The following DUSP10 variants were observed in gnomAD, a reference collection of about 807,000 sequenced individuals.
DUSP10 encodes the protein dual specificity phosphatase 10.
DUSP10 carries 14 observed loss-of-function variants against 30.8 expected under a neutral mutation model. That is an observed-to-expected ratio of 0.46 (90% confidence interval 0.30 to 0.71). The LOEUF (loss-of-function observed/expected upper bound fraction) is 0.71. Among genes scored for constraint, DUSP10 ranks in the 30% least tolerant of loss-of-function variants. DUSP10 has a pLI of 0.08. For synonymous variants in DUSP10, 254 were observed against 250.4 expected (o/e 1.01, Z -0.14); for missense variants, 550 against 619.4 (o/e 0.89, Z 1.19).
chr1:221,738,684 T>A (rs1456282054), intron 2 of DUSP10, among the ~76,000 whole-genome samples: 1 of 152,076 alleles, frequency 6.6e-6, no homozygotes, highest in African/African-American at 2.4e-5. Context: ...CCCAGAGAGG[T>A]GAAATGACTT....
chr1:221,731,577 A>G (rs917312760), intron 2 of DUSP10, among the ~76,000 whole-genome samples: 14 of 143,978 alleles, frequency 9.7e-5, no homozygotes, highest in African/African-American at 3.6e-4. Context: ...CCCATGACAT[A>G]TTTAGAAAAG....
intron 2 of DUSP10, among the ~76,000 whole-genome samples, chr1:221,727,640 G>C (rs925963485): frequency 2.0e-5 from 3 of 152,118 alleles, no homozygotes; most frequent in African/African-American, 7.2e-5. Flanking sequence ...GTCATCCTGG[G>C]GTTGTTGTGG....
chr1:221,713,214 G>C (rs771977886), intron 2 of DUSP10, among the ~76,000 whole-genome samples: 1 of 152,168 alleles, frequency 6.6e-6, no homozygotes, highest in Non-Finnish European at 1.5e-5. Context: ...GACAAAGCAG[G>C]AGCCATGAGG....
At chr1:221,732,992 C>A (rs1253725154) in intron 2 of DUSP10, among the ~76,000 whole-genome samples, 1 of 152,196 alleles carries the variant, frequency 6.6e-6, no homozygotes, top group Non-Finnish European at 1.5e-5. Flanking sequence ...ACTAGAATTT[C>A]TCTCCTTAAT....
intron 2 of DUSP10, chr1:221,737,581 C>T (rs1342897518): frequency 2.0e-6 from 1 of 509,590 alleles, no homozygotes; most frequent in Non-Finnish European, 2.5e-6. Flanking sequence ...GAACTCTCTA[C>T]ATACAATTCT....
chr1:221,713,555 A>G (rs1280745779), intron 2 of DUSP10, among the ~76,000 whole-genome samples: 2 of 152,112 alleles, frequency 1.3e-5, no homozygotes, highest in African/African-American at 2.4e-5. Context: ...AATTTCCTCA[A>G]TAAGTTGAGG....
At chr1:221,707,955 C>T (rs184380661) in intron 2 of DUSP10, among the ~76,000 whole-genome samples, 20 of 152,268 alleles carry the variant, frequency 1.3e-4, no homozygotes, top group African/African-American at 4.8e-4. Context: ...ATGGCATGCA[C>T]AGATAAACCC....
intron 2 of DUSP10, among the ~76,000 whole-genome samples, chr1:221,714,174 T>C (rs1463743877): frequency 6.6e-6 from 1 of 152,236 alleles, no homozygotes; most frequent in Non-Finnish European, 1.5e-5. Context: ...TACTGAGGCT[T>C]ACATGAAATA....
chr1:221,735,297 G>T (rs1042199478), intron 2 of DUSP10, among the ~76,000 whole-genome samples: 1 of 152,134 alleles, frequency 6.6e-6, no homozygotes, highest in South Asian at 2.1e-4. Flanking sequence ...GGAGGAAGGG[G>T]GACACACAGA....
rs756450182 is a variant in DUSP10, at chr1:221,706,298, G to A, written c.980C>T (p.Pro327Leu). Residue 327 changes from proline to leucine, a missense_variant, in exon 3 of 4, where the codon CCC (proline) becomes CTC (leucine). Physicochemically the swap from Pro to Leu is moderately conservative, Grantham distance 98. Coordinates refer to ENST00000366899, the MANE Select transcript of DUSP10 (RefSeq NM_007207.6). The surrounding 1 kb of genome is among the most constrained non-coding windows in gnomAD (Gnocchi z 4.6). ...IENAELTPIL[P>L]FLFLGNEQDA... ...CTGCTCATTGCCAAGGAACAGGAAG[G>A]GCAAGATGGGGGTGAGCTCAGCGTT... 2.5e-6 allele frequency: 4 copies of A among 1,614,220 alleles called. No homozygotes were observed. Among genetic ancestry groups the A allele is most frequent in the Non-Finnish European group, 3.4e-6 (4 of 1,180,028 alleles).
At chr1:221,705,758 C>T (rs550044602) in intron 3 of DUSP10, among the ~76,000 whole-genome samples, 11 of 152,310 alleles carry the variant, frequency 7.2e-5, no homozygotes, top group South Asian at 6.2e-4. Flanking sequence ...CTCTGACCTC[C>T]GATTCCTTAC....
At position 221,706,030 on chromosome 1, in the gene DUSP10, A is replaced by T; in HGVS notation, c.1183+65T>A. On this transcript the variant is annotated intron_variant, in intron 3 of 3. Transcript: ENST00000366899. The surrounding 1 kb of genome is among the most constrained non-coding windows in gnomAD (Gnocchi z 4.6). ...CACAGGAATAAACCTTGAACTTGAT[A>T]TCAAAGCAAGAGCTGGAGGGAAAAG... 1.3e-6 allele frequency: 2 copies of T among 1,553,514 alleles called. No individual in the cohort carries two copies. Among genetic ancestry groups the T allele is most frequent in the Non-Finnish European group, 1.7e-6 (2 of 1,150,654 alleles).
rs1399443329 is a variant in DUSP10 at position 221,701,607 on chromosome 1, A to T, written c.*805T>A. 6.6e-6 allele frequency: 1 copy of T among 152,056 alleles called. No homozygotes were observed. The highest frequency in any genetic ancestry group is 1.5e-5 in the Non-Finnish European group (1 of 67,908). The allele number at this position is 152,056 out of a possible 1,614,324, so 9.4% of individuals were successfully genotyped here. On this transcript the variant is annotated 3_prime_UTR_variant, in exon 4 of 4. Coordinates refer to ENST00000366899, the MANE Select transcript of DUSP10 (RefSeq NM_007207.6). ...AATCAGAAAAAAAAAAAAAAAAGGA[A>T]AAAGGTGGGAAGGAAAGTATTTGAT...
chr1:221,706,743 A>G lies in DUSP10; in HGVS notation c.812-277T>C, dbSNP rs577689401. 1.3e-5 allele frequency among the ~76,000 whole-genome samples: 2 copies of G among 152,330 alleles called. No individual in the cohort carries two copies. The highest frequency in any genetic ancestry group is 4.1e-4 in the South Asian group (2 of 4,828). On this transcript the variant is annotated intron_variant, in intron 2 of 3. Transcript: ENST00000366899. This position sits in a 1 kb window ranked among gnomAD's most constrained non-coding sequence, Gnocchi z 4.6. The stretch of plus-strand genomic sequence containing the variant: ...ACAAATGAGGGCATGTTCCCCTAGC[A>G]AGAGTTCCACGCGGCATCAGGCAAT...
rs78887131 is a variant in DUSP10, at chr1:221,740,978, A to G, written c.-44+1003T>C. Among the ~76,000 whole-genome samples, 604 of 152,322 alleles carry G rather than the reference A, an allele frequency of 4.0e-3. 7 individuals are homozygous for G. The East Asian group carries it at 0.057, about 14-fold the overall frequency. On this transcript the variant is annotated intron_variant, in intron 1 of 3. Coordinates refer to ENST00000366899, the MANE Select transcript of DUSP10 (RefSeq NM_007207.6). ...GAGACGCTCACCTAAACGAACTTTA[A>G]GAGCTATCAGGAAAAATGCCATCTA...
At chr1:221,711,313 A>G (rs12068699) in intron 2 of DUSP10, among the ~76,000 whole-genome samples, 1,632 of 152,298 alleles carry the variant, frequency 0.011, 34 homozygotes, top group African/African-American at 0.037. Flanking sequence ...TCTATAAGCA[A>G]GAGATTTTTA....
chr1:221,702,284 A>C lies in DUSP10; in HGVS notation c.*128T>G. ...CTTGTTAAAAATAAAGTGTTTAAACAAGTTTGTTTCCATTCACAAACTTAC... is the reference window on the plus strand; with the variant it reads ...CTTGTTAAAAATAAAGTGTTTAAACCAGTTTGTTTCCATTCACAAACTTAC... On this transcript the variant is annotated 3_prime_UTR_variant, in exon 4 of 4. Coordinates refer to ENST00000366899, the MANE Select transcript of DUSP10 (RefSeq NM_007207.6). The surrounding 1 kb of genome is among the most constrained non-coding windows in gnomAD (Gnocchi z 4.5). 1 of 1,093,790 alleles carries C rather than the reference A, an allele frequency of 9.1e-7. No individual in the cohort carries two copies. The highest frequency in any genetic ancestry group is 1.3e-6 in the Non-Finnish European group (1 of 762,020). The allele number at this position is 1,093,790 out of a possible 1,614,324, so 67.8% of individuals were successfully genotyped here.
intron 2 of DUSP10, among the ~76,000 whole-genome samples, chr1:221,725,110 G>C (rs138637632): frequency 1.7e-3 from 262 of 152,248 alleles, no homozygotes; most frequent in African/African-American, 5.9e-3. Context: ...TTGAGCAACT[G>C]TTCTGTGCCC....
chr1:221,708,202 T>C (rs1403069292), intron 2 of DUSP10, among the ~76,000 whole-genome samples: 1 of 152,198 alleles, frequency 6.6e-6, no homozygotes, highest in Non-Finnish European at 1.5e-5. Context: ...TTCCAGGAGA[T>C]AAGGCAGAAA....
Sources: gnomAD v4.1 joint callset for allele counts (sites outside exome capture counted in the v4.1 genomes callset) on GRCh38, gnomAD v4.1.1 for gene constraint, Gnocchi (gnomAD v3.1) non-coding constraint, MANE v1.5 for transcripts, NCBI Gene and HGNC (gene_info 2026-07-23, HGNC 2026-07-21) for gene names.